The following ADARB1 variants were observed in gnomAD, a reference collection of about 807,000 sequenced individuals.
ADARB1 encodes the protein adenosine deaminase RNA specific B1.
Under a neutral mutation model 52.4 loss-of-function variants are expected in ADARB1, and 10 were observed. That is an observed-to-expected ratio of 0.19 (90% CI 0.12 to 0.32). ADARB1 has a LOEUF of 0.32. ADARB1 is among the 10% of genes least tolerant of loss of function. The pLI is 1.00. For missense variants in ADARB1, 643 were observed against 922.3 expected, an observed-to-expected ratio of 0.70 and a Z score of 3.92; for synonymous variants, 349 against 371.1, an observed-to-expected ratio of 0.94 and a Z score of 0.68.
chr21:45,175,846 C>T lies in ADARB1; in HGVS notation c.145C>T (p.Pro49Ser). Residue 49 changes from proline to serine, a missense_variant, in exon 4 of 11, where the codon CCC becomes TCC. By Grantham distance (74) the Pro-to-Ser change is moderately conservative. Coordinates refer to ENST00000348831, the MANE Select transcript of ADARB1 (RefSeq NM_001112.4). ...GCTCTCCAATGGGGGTGGTGGTGGC[C>T]CCGGCAGAAAGCGGCCCCTGGAGGA... The part of the protein sequence containing the change: ...SQLSNGGGGG[P>S]GRKRPLEEGS... The T allele has an allele frequency of 6.2e-7, 1 of 1,613,900 alleles. No homozygotes were observed. The highest frequency in any genetic ancestry group is 8.5e-7 in the Non-Finnish European group (1 of 1,179,936).
rs1245708300 is a variant in ADARB1 at position 45,222,233 on chromosome 21, G to A, written c.*36G>A. On this transcript the variant is annotated 3_prime_UTR_variant, in exon 11 of 11. Coordinates refer to ENST00000348831, the MANE Select transcript of ADARB1 (RefSeq NM_001112.4). The stretch of plus-strand genomic sequence containing the variant: ...CATGATGGGGGGTGCAGGGGGCTGT[G>A]GGCATCCAGCGTCATCCTCCAGAAC... 2 of 1,521,242 alleles carry A rather than the reference G, an allele frequency of 1.3e-6. No individual in the cohort carries two copies. The highest frequency in any genetic ancestry group is 1.8e-6 in the Non-Finnish European group (2 of 1,139,506). 94.2% of individuals were successfully genotyped at this position (1,521,242 alleles called of 1,614,324 possible).
Position 45,208,919 on chromosome 21 carries a change from A to G in ADARB1, c.1747+4183A>G, listed in dbSNP as rs1226834244. Among the ~76,000 whole-genome samples, 1 of 151,902 alleles carries G rather than the reference A, an allele frequency of 6.6e-6. No individual in the cohort carries two copies. Among genetic ancestry groups the G allele is most frequent in the Non-Finnish European group, 1.5e-5 (1 of 67,956 alleles). ...ACAGAATCATTCTTTTCATCTGACAATTTTTCTTTCCATTTTACTTTCTGT... is the reference window on the plus strand; with the variant it reads ...ACAGAATCATTCTTTTCATCTGACAGTTTTTCTTTCCATTTTACTTTCTGT... On this transcript the variant is annotated intron_variant, in intron 9 of 10. Coordinates refer to ENST00000348831, the MANE Select transcript of ADARB1 (RefSeq NM_001112.4). The surrounding 1 kb of genome is among the most constrained non-coding windows in gnomAD (Gnocchi z 5.6).
chr21:45,149,963 C>T (rs372744035), intron 2 of ADARB1, among the ~76,000 whole-genome samples: 13 of 152,180 alleles, frequency 8.5e-5, no homozygotes, highest in African/African-American at 2.2e-4. Context: ...TGTTTGCTAC[C>T]ACTTGATCTA....
chr21:45,219,518 G>A (rs943855881), intron 9 of ADARB1, among the ~76,000 whole-genome samples: 8 of 152,098 alleles, frequency 5.3e-5, no homozygotes, highest in Admixed American at 1.3e-4. Flanking sequence ...GTGAGACTCC[G>A]TCTCGAAAAA....
chr21:45,133,032 C>A (rs1292427219), intron 2 of ADARB1, among the ~76,000 whole-genome samples: 2 of 152,264 alleles, frequency 1.3e-5, no homozygotes, highest in African/African-American at 4.8e-5. Flanking sequence ...GGCGGCTCAT[C>A]TGTCAAGTTT....
At chr21:45,156,295 TCATC>T (rs750175620) in intron 2 of ADARB1, among the ~76,000 whole-genome samples, 107 of 108,822 alleles carry the variant, frequency 9.8e-4, no homozygotes, top group African/African-American at 3.4e-3. Context: ...CCATCACCCA[TCATC>T]CATCCATCCA....
At chr21:45,164,414 G>A (rs2091150041) in intron 2 of ADARB1, among the ~76,000 whole-genome samples, 3 of 152,092 alleles carry the variant, frequency 2.0e-5, no homozygotes, top group Admixed American at 2.0e-4. Context: ...ATGGCGCCCG[G>A]GGTGGAGGGG....
chr21:45,127,624 A>G (rs976948893), intron 1 of ADARB1, among the ~76,000 whole-genome samples: 1 of 152,178 alleles, frequency 6.6e-6, no homozygotes, highest in Non-Finnish European at 1.5e-5. Context: ...CCAAGTCTGC[A>G]TAGCGAGAGT....
Position 45,225,806 on chromosome 21 carries a change from C to A in ADARB1, c.*3609C>A, listed in dbSNP as rs1476473380. 1 of 382,896 alleles carries A rather than the reference C, an allele frequency of 2.6e-6. No individual in the cohort carries two copies. The highest frequency in any genetic ancestry group is 4.6e-6 in the Non-Finnish European group (1 of 216,718). The allele number at this position is 382,896 out of a possible 1,614,324, so 23.7% of individuals were successfully genotyped here. A position where few individuals can be genotyped will look rare whatever the true frequency, so the allele number is the denominator to read the frequency against. On this transcript the variant is annotated 3_prime_UTR_variant, in exon 11 of 11. Coordinates refer to ENST00000348831, the MANE Select transcript of ADARB1 (RefSeq NM_001112.4). ...TGCTCAAAAGATTCCTTTTTATCAT[C>A]CCCACGCTGTGTAAGTGGAAAGGGC...
chr21:45,180,884 A>T (rs754214743), intron 5 of ADARB1, among the ~76,000 whole-genome samples: 13 of 152,246 alleles, frequency 8.5e-5, no homozygotes, highest in Non-Finnish European at 1.8e-4. Flanking sequence ...GAAAAAAAGC[A>T]CAATTTAGAA....
intron 1 of ADARB1, among the ~76,000 whole-genome samples, chr21:45,093,423 C>T (rs1452738952): frequency 1.3e-5 from 2 of 152,234 alleles, no homozygotes; most frequent in Admixed American, 6.5e-5. Flanking sequence ...CTCTGCCTGA[C>T]GTCCTTGACA....
At position 45,115,301 on chromosome 21, in the gene ADARB1, T is replaced by C. The variant is rs2145773025; in HGVS notation, c.-219-13101T>C. Among the ~76,000 whole-genome samples, 2 of 152,278 alleles carry C rather than the reference T, an allele frequency of 1.3e-5. 1 individual carries two copies. The highest frequency in any genetic ancestry group is 4.2e-4 in the South Asian group (2 of 4,818). On this transcript the variant is annotated intron_variant, in intron 1 of 10. Transcript: ENST00000348831. ...TGCTGAGCCGCTGTGATGGGAAAGC[T>C]CTCTGCTGAGTTGGTTCAGTCTGGG...
intron 1 of ADARB1, among the ~76,000 whole-genome samples, chr21:45,081,875 AG>A (rs910083264): frequency 7.2e-5 from 11 of 152,198 alleles, no homozygotes; most frequent in Admixed American, 2.6e-4. Flanking sequence ...TTGTCCAGTC[AG>A]GGGCTAGGAG....
chr21:45,085,878 C>T (rs938537756), intron 1 of ADARB1, among the ~76,000 whole-genome samples: 2 of 152,208 alleles, frequency 1.3e-5, no homozygotes, highest in African/African-American at 4.8e-5. Flanking sequence ...GCAGAACTGA[C>T]ATAGAGCCTC....
intron 2 of ADARB1, among the ~76,000 whole-genome samples, chr21:45,151,382 A>C (rs1289092803): frequency 6.6e-6 from 1 of 152,254 alleles, no homozygotes; most frequent in Admixed American, 6.5e-5. Context: ...CAAGCATTGC[A>C]CTAATTGGAA....
chr21:45,123,788 A>G (rs942208958), intron 1 of ADARB1, among the ~76,000 whole-genome samples: 1 of 151,862 alleles, frequency 6.6e-6, no homozygotes, highest in African/African-American at 2.4e-5. Flanking sequence ...TTTTGTAGAG[A>G]TGGGGTTTCC....
At chr21:45,133,497 T>C (rs1037298693) in intron 2 of ADARB1, 1 of 156,420 alleles carries the variant, frequency 6.4e-6, no homozygotes, top group Non-Finnish European at 1.4e-5. Flanking sequence ...GATGCCTTAA[T>C]TGCATCTGTA....
rs553540241 is a variant in ADARB1, at chr21:45,221,225, T to G, written c.1926+211T>G. Among the ~76,000 whole-genome samples, 3 of 152,326 alleles carry G rather than the reference T, an allele frequency of 2.0e-5. No individual in the cohort carries two copies. In the South Asian group the frequency reaches 6.2e-4, roughly 32 times the overall value. The stretch of plus-strand genomic sequence containing the variant: ...AATGCCATCTCAAAGGCAGCTCTTT[T>G]CCTCCCTGCTGCAGGGTAACACCCA... On this transcript the variant is annotated intron_variant, in intron 10 of 10. Coordinates refer to ENST00000348831, the MANE Select transcript of ADARB1 (RefSeq NM_001112.4). The surrounding 1 kb of genome is among the most constrained non-coding windows in gnomAD (Gnocchi z 4.9).
intron 8 of ADARB1, among the ~76,000 whole-genome samples, chr21:45,194,860 A>G (rs565657599): frequency 1.3e-5 from 2 of 152,364 alleles, no homozygotes; most frequent in South Asian, 4.1e-4. Flanking sequence ...GGCAATTACA[A>G]ATAAAGCAGC....
Sources: allele counts gnomAD v4.1 joint callset (sites outside exome capture counted in the v4.1 genomes callset), GRCh38; gene constraint gnomAD v4.1.1; non-coding constraint Gnocchi (gnomAD v3.1); transcripts MANE v1.5; gene names NCBI Gene and HGNC (gene_info 2026-07-23, HGNC 2026-07-21).